The following CCSER1 variants were observed in gnomAD, a reference collection of about 807,000 sequenced individuals.
The protein encoded by CCSER1 is serine-rich coiled-coil domain-containing protein 1.
A neutral mutation model predicts 82.0 loss-of-function variants in CCSER1; 41 were observed. The ratio of observed to expected loss-of-function variants is 0.50; its 90% confidence interval spans 0.39 to 0.65. The LOEUF (loss-of-function observed/expected upper bound fraction) is 0.65, where lower values mean the gene tolerates loss of function less well. CCSER1 is among the 30% of genes least tolerant of loss of function. The probability of loss-of-function intolerance (pLI) is 0.00; values close to 1 mark genes in which losing one functional copy is unlikely to be tolerated. For synonymous variants in CCSER1, 414 were observed against 383.9 expected, an observed-to-expected ratio of 1.08 and a Z score of -0.92; for missense variants, 1,119 against 1,064.2, an observed-to-expected ratio of 1.05 and a Z score of -0.72.
At chr4:91,117,936 A>G (rs1030661767) in intron 10 of CCSER1, among the ~76,000 whole-genome samples, 5 of 152,164 alleles carry the variant, frequency 3.3e-5, no homozygotes, top group Admixed American at 3.3e-4. Context: ...CCATTACCCA[A>G]GTGACTAAGT....
intron 10 of CCSER1, among the ~76,000 whole-genome samples, chr4:91,453,699 T>A (rs1222818050): frequency 6.6e-6 from 1 of 152,084 alleles, no homozygotes; most frequent in Non-Finnish European, 1.5e-5. Flanking sequence ...ATCTGGCAGG[T>A]GTTCTATATC....
At chr4:90,617,162 T>C (rs1349083655) in intron 5 of CCSER1, among the ~76,000 whole-genome samples, 1 of 152,170 alleles carries the variant, frequency 6.6e-6, no homozygotes, top group East Asian at 1.9e-4. Flanking sequence ...ACAATACATA[T>C]AAAACAACGT....
At chr4:90,713,307 T>C (rs1349550878) in intron 6 of CCSER1, among the ~76,000 whole-genome samples, 1 of 152,114 alleles carries the variant, frequency 6.6e-6, no homozygotes, top group African/African-American at 2.4e-5. Flanking sequence ...TATCACGTGC[T>C]TCCTTCAGGA....
At chr4:90,230,062 C>T (rs199877478) in intron 1 of CCSER1, among the ~76,000 whole-genome samples, 29,089 of 152,042 alleles carry the variant, frequency 0.19, 3,133 homozygotes, top group South Asian at 0.28. Context: ...GACAGATCAA[C>T]GAGACAGAAA....
intron 1 of CCSER1, among the ~76,000 whole-genome samples, chr4:90,283,390 T>G (rs1018400443): frequency 6.6e-6 from 1 of 151,994 alleles, no homozygotes; most frequent in Non-Finnish European, 1.5e-5. Context: ...TGCACATATT[T>G]ATGGGGTACA....
chr4:90,488,976 A>T (rs1401581115), intron 5 of CCSER1, among the ~76,000 whole-genome samples: 2 of 152,126 alleles, frequency 1.3e-5, no homozygotes, highest in Admixed American at 6.5e-5. Flanking sequence ...TGTATGGAAA[A>T]TTTTACTTCT....
intron 4 of CCSER1, among the ~76,000 whole-genome samples, chr4:90,465,683 T>C (rs1360222201): frequency 2.6e-5 from 4 of 152,210 alleles, no homozygotes; most frequent in Non-Finnish European, 5.9e-5. Context: ...AAGTAATGCC[T>C]AGTTATCAAT....
chr4:91,194,874 CAG>C (rs1735282619), intron 10 of CCSER1, among the ~76,000 whole-genome samples: 1 of 152,122 alleles, frequency 6.6e-6, no homozygotes, highest in Non-Finnish European at 1.5e-5. Flanking sequence ...GAGTCTTTAA[CAG>C]AGGAAAATCT....
intron 10 of CCSER1, among the ~76,000 whole-genome samples, chr4:91,287,267 C>T (rs1302639378): frequency 6.6e-6 from 1 of 151,816 alleles, no homozygotes; most frequent in Non-Finnish European, 1.5e-5. Flanking sequence ...AAAAATAGTT[C>T]TAATAAGTGT....
At chr4:90,967,142 A>C (rs1734642750) in intron 9 of CCSER1, among the ~76,000 whole-genome samples, 1 of 152,040 alleles carries the variant, frequency 6.6e-6, no homozygotes, top group Non-Finnish European at 1.5e-5. Context: ...AATACATCTC[A>C]ATGGTAAAAG....
chr4:91,293,198 C>T (rs190798473), intron 10 of CCSER1, among the ~76,000 whole-genome samples: 1 of 152,060 alleles, frequency 6.6e-6, no homozygotes, highest in East Asian at 1.9e-4. Context: ...CTTTCCCACT[C>T]AGCACCATCC....
In CCSER1 at chr4:91,384,644, AAT is replaced by A. The variant is rs1751158269; in HGVS notation, c.2218-213925_2218-213924del. On this transcript the variant is annotated intron_variant, in intron 10 of 10. Transcript: ENST00000509176. ...GTGAATGTAAGGGTATATCTTATAT[AAT>A]ATGACTATATAGAAATGCTTTCTGA... Among the ~76,000 whole-genome samples the A allele has an allele frequency of 8.5e-5, 13 of 152,214 alleles. 1 individual carries two copies. The South Asian group carries it at 2.5e-3, about 29-fold the overall frequency.
intron 3 of CCSER1, among the ~76,000 whole-genome samples, chr4:90,349,504 CAAAT>C (rs952450738): frequency 6.6e-6 from 1 of 152,004 alleles, no homozygotes; most frequent in African/African-American, 2.4e-5. Context: ...TTTAGTGAAA[CAAAT>C]TCATTTCTCA....
chr4:91,054,337 A>G (rs1743255056), intron 9 of CCSER1, among the ~76,000 whole-genome samples: 1 of 152,178 alleles, frequency 6.6e-6, no homozygotes, highest in South Asian at 2.1e-4. Flanking sequence ...CTCTTTTGTT[A>G]AATCAACATC....
chr4:91,459,931 G>T (rs1194835250), intron 10 of CCSER1, among the ~76,000 whole-genome samples: 3 of 152,046 alleles, frequency 2.0e-5, no homozygotes, highest in Non-Finnish European at 2.9e-5. Flanking sequence ...ATTTGAGATA[G>T]CCATTGACTA....
intron 10 of CCSER1, among the ~76,000 whole-genome samples, chr4:91,464,967 A>G (rs990400241): frequency 3.9e-5 from 6 of 152,196 alleles, no homozygotes; most frequent in African/African-American, 1.4e-4. Flanking sequence ...GTGAACAAGG[A>G]TATCCAGGAA....
At chr4:91,273,566 C>G (rs1742201384) in intron 10 of CCSER1, among the ~76,000 whole-genome samples, 1 of 152,158 alleles carries the variant, frequency 6.6e-6, no homozygotes, top group African/African-American at 2.4e-5. Context: ...GACAGTTTGA[C>G]TTCCTCTTTA....
chr4:90,648,512 TAACCACC>T (rs760964652), intron 6 of CCSER1, among the ~76,000 whole-genome samples: 61,090 of 150,620 alleles, frequency 0.41, 12,804 homozygotes, highest in Middle Eastern at 0.5. Context: ...GTTAAAGCCC[TAACCACC>T]AATGTGACTG....
At chr4:91,380,834 C>G (rs1275631103) in intron 10 of CCSER1, among the ~76,000 whole-genome samples, 1 of 152,162 alleles carries the variant, frequency 6.6e-6, no homozygotes, top group African/African-American at 2.4e-5. Flanking sequence ...GCAGTTTCTT[C>G]CCAGCATGAA....
Sources: allele counts gnomAD v4.1 joint callset (sites outside exome capture counted in the v4.1 genomes callset), GRCh38; gene constraint gnomAD v4.1.1; transcripts MANE v1.5; gene names NCBI Gene and HGNC (gene_info 2026-07-23, HGNC 2026-07-21).